Variants in ANKRD17 observed in about 807,000 individuals in gnomAD.
ANKRD17 encodes ankyrin repeat domain 17, also known as ankyrin repeat domain-containing protein 17.
ANKRD17 carries 19 observed loss-of-function variants against 229.7 expected under a neutral mutation model. That is an observed-to-expected ratio of 0.08 (90% CI 0.06 to 0.12). The LOEUF (loss-of-function observed/expected upper bound fraction) is 0.12. Among genes scored for constraint, ANKRD17 ranks in the 10% least tolerant of loss-of-function variants. The pLI is 1.00. For synonymous variants in ANKRD17, 1,112 were observed against 1,146.1 expected (o/e 0.97, Z 0.60); for missense variants, 2,176 against 3,176.8 (o/e 0.68, Z 7.57).
chr4:73,100,895 TG>T (rs1469574862), intron 25 of ANKRD17: 1 of 985,266 alleles, frequency 1.0e-6, no homozygotes, highest in Non-Finnish European at 1.2e-6. Flanking sequence ...TTCATGGCAA[TG>T]GTTCCTTCCC....
intron 10 of ANKRD17, 116 bp from the exon 11 acceptor site, chr4:73,144,948 A>G: frequency 1.6e-6 from 1 of 613,056 alleles, no homozygotes; most frequent in East Asian, 3.1e-5. Flanking sequence ...ATATTTAAAT[A>G]TAATGCTTTG....
rs1285803539 is a variant in ANKRD17 at position 73,085,276 on chromosome 4, A to G, written c.7132T>C (p.Leu2378=). Residue 2378 remains leucine (L), a synonymous_variant, in exon 30 of 34, where the codon TTG becomes CTG. Coordinates refer to ENST00000358602, the MANE Select transcript of ANKRD17 (RefSeq NM_032217.5). The part of the protein sequence containing the change: ...NRQHFSPLSL[L]TPCSSASNDS... ...TTTGATGCTGATGAACACGGAGTCA[A>G]CAAACTAAGCGGGGAAAAATGTTGT... 7 of 1,614,064 alleles carry G rather than the reference A, an allele frequency of 4.3e-6. No homozygotes were observed. Among genetic ancestry groups the G allele is most frequent in the Non-Finnish European group, 5.9e-6 (7 of 1,180,022 alleles).
intron 1 of ANKRD17, among the ~76,000 whole-genome samples, chr4:73,242,929 T>G (rs907925686): frequency 6.6e-6 from 1 of 152,170 alleles, no homozygotes; most frequent in Admixed American, 6.6e-5. Context: ...CAGTGCAACT[T>G]ACTCAGTTAA....
chr4:73,138,110 A>G (rs1729145115), intron 15 of ANKRD17, among the ~76,000 whole-genome samples: 2 of 152,170 alleles, frequency 1.3e-5, no homozygotes, highest in Admixed American at 1.3e-4. Context: ...TCATATGGAC[A>G]TAGTATCAAA....
intron 1 of ANKRD17, among the ~76,000 whole-genome samples, chr4:73,209,747 T>C (rs984898426): frequency 6.6e-6 from 1 of 152,220 alleles, no homozygotes; most frequent in African/African-American, 2.4e-5. Flanking sequence ...TCACACATTG[T>C]GACCAAGTGG....
chr4:73,200,732 T>C (rs982059978), intron 1 of ANKRD17, among the ~76,000 whole-genome samples: 1 of 151,840 alleles, frequency 6.6e-6, no homozygotes, highest in African/African-American at 2.4e-5. Context: ...AAATCAGAAT[T>C]CTTCTTTCCC....
intron 2 of ANKRD17, among the ~76,000 whole-genome samples, chr4:73,174,195 G>A (rs1216558260): frequency 6.6e-6 from 1 of 151,796 alleles, no homozygotes; most frequent in African/African-American, 2.4e-5. Context: ...CAAAATACTA[G>A]CTAACAGAAT....
chr4:73,258,582 G>A lies in ANKRD17; in HGVS notation c.87C>T (p.Pro29=), dbSNP rs886516679. The A allele has an allele frequency of 2.7e-6, 4 of 1,467,196 alleles. No homozygotes were observed. The highest frequency in any genetic ancestry group is 2.8e-5 in the East Asian group (1 of 36,114). 90.9% of individuals were successfully genotyped at this position (1,467,196 alleles called of 1,614,324 possible). The change falls in exon 1 of 34, where the codon CCC becomes CCT. Residue 29 remains proline (P), a synonymous_variant. Transcript: ENST00000358602. ...SPPAVAAVAG[P]PAAAEVGGGV... ...CGCCGCCGACCTCCGCCGCCGCGGG[G>A]GGGCCCGCCACAGCCGCCACCGCCG...
At chr4:73,081,103 G>A (rs903683740) in intron 30 of ANKRD17, among the ~76,000 whole-genome samples, 1 of 152,200 alleles carries the variant, frequency 6.6e-6, no homozygotes, top group African/African-American at 2.4e-5. Context: ...ATTAAGGATA[G>A]GCACCCATCC....
chr4:73,192,877 AG>A (rs1251646469), intron 1 of ANKRD17, among the ~76,000 whole-genome samples: 1 of 152,208 alleles, frequency 6.6e-6, no homozygotes, highest in African/African-American at 2.4e-5. Flanking sequence ...AAGTAAAATC[AG>A]GAACATATTA....
At chr4:73,197,092 C>T (rs1263215641) in intron 1 of ANKRD17, among the ~76,000 whole-genome samples, 1 of 152,158 alleles carries the variant, frequency 6.6e-6, no homozygotes, top group Non-Finnish European at 1.5e-5. Context: ...CACCAACTCC[C>T]TACCAATCAC....
chr4:73,132,698 T>C (rs1560568647), intron 16 of ANKRD17, among the ~76,000 whole-genome samples: 1 of 152,116 alleles, frequency 6.6e-6, no homozygotes, highest in East Asian at 1.9e-4. Context: ...TAATTTTAAT[T>C]AAAAAATTAC....
intron 1 of ANKRD17, among the ~76,000 whole-genome samples, chr4:73,194,517 T>C (rs1737570451): frequency 6.6e-6 from 1 of 152,162 alleles, no homozygotes; most frequent in Admixed American, 6.5e-5. Context: ...GTTTTGGTTA[T>C]TATAGGGCCT....
rs79210561 is a variant in ANKRD17 at position 73,120,560 on chromosome 4, G to A, written c.3850-223C>T. On this transcript the variant is annotated intron_variant, in intron 20 of 33. Coordinates refer to ENST00000358602, the MANE Select transcript of ANKRD17 (RefSeq NM_032217.5). Reference sequence around the variant, plus strand: ...GTATTGCAAAAAAAAAAAAAAGAAAGAAAGAAAAAAAAATCTGTTTAAGAT... The same window carrying A: ...GTATTGCAAAAAAAAAAAAAAGAAAAAAAGAAAAAAAAATCTGTTTAAGAT... Among the ~76,000 whole-genome samples the A allele has an allele frequency of 9.4e-3, 1,324 of 141,484 alleles. 11 individuals carry two copies. The highest frequency in any genetic ancestry group is 0.016 in the Non-Finnish European group (1,020 of 64,326). 92.8% of individuals were successfully genotyped at this position (141,484 alleles called of 152,430 possible).
intron 1 of ANKRD17, among the ~76,000 whole-genome samples, chr4:73,257,803 C>T (rs1257547522): frequency 6.6e-6 from 1 of 152,028 alleles, no homozygotes; most frequent in East Asian, 1.9e-4. Flanking sequence ...AACCTTACGT[C>T]CCCCCTCAAA....
At chr4:73,227,058 T>C (rs183477647) in intron 1 of ANKRD17, among the ~76,000 whole-genome samples, 45 of 152,350 alleles carry the variant, frequency 3.0e-4, no homozygotes, top group Non-Finnish European at 1.5e-5. Context: ...TGATTACCTA[T>C]GTCACTGCAG....
rs71655741 is a variant in ANKRD17, at chr4:73,191,341, ATGTGTGTG to A, written c.394-13816_394-13809del. Among the ~76,000 whole-genome samples, 177 of 125,282 alleles carry A rather than the reference ATGTGTGTG, an allele frequency of 1.4e-3. 3 individuals carry two copies. In the East Asian group the frequency reaches 0.021, roughly 15 times the overall value. The allele number at this position is 125,282 out of a possible 152,430, so 82.2% of individuals were successfully genotyped here. On this transcript the variant is annotated intron_variant, in intron 1 of 33. Coordinates refer to ENST00000358602, the MANE Select transcript of ANKRD17 (RefSeq NM_032217.5). ...AATAGGCCCCTACCAAAAAATATAT[ATGTGTGTG>A]TGTGTGTGTGTGTGTGTGTGTGTGT...
In ANKRD17 at chr4:73,188,918, T is replaced by TA. The variant is rs201453936; in HGVS notation, c.394-11386dup. Among the ~76,000 whole-genome samples the TA allele has an allele frequency of 6.1e-3, 930 of 152,202 alleles. 11 individuals carry two copies. The highest frequency in any genetic ancestry group is 0.019 in the African/African-American group (776 of 41,526). On this transcript the variant is annotated intron_variant, in intron 1 of 33. Coordinates refer to ENST00000358602, the MANE Select transcript of ANKRD17 (RefSeq NM_032217.5). ...TATGAATCAATAAATCTAAAAGTCT[T>TA]AAACAAAATGGATGGTTTTCTAGAA...
At chr4:73,125,333 G>T in intron 16 of ANKRD17, 21 bp from the exon 17 acceptor site, 1 of 1,530,672 alleles carries the variant, frequency 6.5e-7, no homozygotes, top group Non-Finnish European at 8.9e-7. Flanking sequence ...TTATTTTTTG[G>T]TTAGTTTATT....
Sources: allele counts gnomAD v4.1 joint callset (sites outside exome capture counted in the v4.1 genomes callset), GRCh38; gene constraint gnomAD v4.1.1; transcripts MANE v1.5; gene names NCBI Gene and HGNC (gene_info 2026-07-23, HGNC 2026-07-21).